The following CACNA2D3 variants were observed in gnomAD, a reference collection of about 807,000 sequenced individuals.
The protein encoded by CACNA2D3 is voltage-dependent calcium channel subunit alpha-2/delta-3.
In CACNA2D3, 60 loss-of-function variants were observed where a neutral mutation model predicts 160.6. The observed-to-expected ratio is 0.37, with a 90% CI of 0.30 to 0.46. The LOEUF (loss-of-function observed/expected upper bound fraction) is 0.46, where lower values mean the gene tolerates loss of function less well. Among genes scored for constraint, CACNA2D3 ranks in the 20% least tolerant of loss-of-function variants. The pLI, the probability that CACNA2D3 is intolerant of heterozygous loss-of-function variation, is 1.00. For missense variants in CACNA2D3, 1,205 were observed against 1,365.0 expected, an observed-to-expected ratio of 0.88 and a Z score of 1.85; for synonymous variants, 558 against 492.9, an observed-to-expected ratio of 1.13 and a Z score of -1.75.
At position 54,581,785 on chromosome 3, in the gene CACNA2D3, G is replaced by C; in HGVS notation, c.889-18G>C. ...ATTCCTTAATTAAGTGTTCCTTCTT[G>C]ACTTTTTTCCTTTGCAGTATAATGA... On this transcript the variant is annotated intron_variant, in intron 8 of 37. Coordinates refer to ENST00000474759, the MANE Select transcript of CACNA2D3 (RefSeq NM_018398.3). The C allele has an allele frequency of 6.2e-7, 1 of 1,606,440 alleles. No homozygotes were observed. The highest frequency in any genetic ancestry group is 8.5e-7 in the Non-Finnish European group (1 of 1,174,140).
chr3:54,318,404 A>G (rs1401078444), intron 2 of CACNA2D3, among the ~76,000 whole-genome samples: 1 of 152,202 alleles, frequency 6.6e-6, no homozygotes, highest in Non-Finnish European at 1.5e-5. Flanking sequence ...ACATGAAACT[A>G]CAACTCATGA....
At chr3:54,384,906 G>A (rs1376861539) in intron 3 of CACNA2D3, among the ~76,000 whole-genome samples, 1 of 152,016 alleles carries the variant, frequency 6.6e-6, no homozygotes, top group African/African-American at 2.4e-5. Context: ...TTTTTGTTGA[G>A]ATGGGGTTTT....
At position 54,838,551 on chromosome 3, in the gene CACNA2D3, A is replaced by ATT. The variant is rs1360241154; in HGVS notation, c.1471-16_1471-15insTT. On this transcript the variant is annotated splice_polypyrimidine_tract_variant and intron_variant, in intron 15 of 37. Coordinates refer to ENST00000474759, the MANE Select transcript of CACNA2D3 (RefSeq NM_018398.3). ...GTTAACTTACTGTTATTATAATTCA[A>ATT]TGTTTATTTTCGACAGAGATCGAAG... The ATT allele has an allele frequency of 6.3e-7, 1 of 1,592,848 alleles. No individual in the cohort carries two copies. The highest frequency in any genetic ancestry group is 8.6e-7 in the Non-Finnish European group (1 of 1,160,774).
intron 2 of CACNA2D3, among the ~76,000 whole-genome samples, chr3:54,203,538 C>T (rs1408596693): frequency 6.6e-6 from 1 of 152,212 alleles, no homozygotes; most frequent in African/African-American, 2.4e-5. Flanking sequence ...CTGGAAGAAT[C>T]TGATCACACA....
chr3:54,615,458 C>G (rs947628790), intron 9 of CACNA2D3, among the ~76,000 whole-genome samples: 5 of 152,168 alleles, frequency 3.3e-5, no homozygotes, highest in African/African-American at 9.6e-5. Flanking sequence ...GAATGCTCTT[C>G]ATGACCAACA....
chr3:54,599,638 A>G (rs1703026708), intron 9 of CACNA2D3, among the ~76,000 whole-genome samples: 1 of 152,196 alleles, frequency 6.6e-6, no homozygotes, highest in South Asian at 2.1e-4. Context: ...CTGGTAGGCA[A>G]AACGGTGGTC....
chr3:54,691,059 G>A (rs1700561510), intron 11 of CACNA2D3, among the ~76,000 whole-genome samples: 1 of 152,150 alleles, frequency 6.6e-6, no homozygotes, highest in Admixed American at 6.6e-5. Flanking sequence ...TGTGTTTGAA[G>A]ATGCCTTTAG....
intron 11 of CACNA2D3, among the ~76,000 whole-genome samples, chr3:54,716,098 A>G (rs1048063639): frequency 6.6e-6 from 1 of 152,210 alleles, no homozygotes; most frequent in African/African-American, 2.4e-5. Flanking sequence ...TCAATTATAT[A>G]TTTTAAAATA....
intron 17 of CACNA2D3, among the ~76,000 whole-genome samples, chr3:54,848,840 A>G (rs566028395): frequency 5.9e-5 from 9 of 152,340 alleles, no homozygotes; most frequent in African/African-American, 1.9e-4. Flanking sequence ...ACCATAGTGC[A>G]TAGATCGTAG....
intron 27 of CACNA2D3, chr3:54,918,421 T>C: frequency 1.3e-6 from 2 of 1,567,192 alleles, no homozygotes; most frequent in Non-Finnish European, 1.7e-6. Flanking sequence ...CACTATCTTC[T>C]GGCCTGCAAT....
chr3:54,918,163 G>C (rs1459299994), intron 27 of CACNA2D3: 4 of 287,682 alleles, frequency 1.4e-5, no homozygotes, highest in Non-Finnish European at 2.6e-5. Flanking sequence ...ACCTGGAAGA[G>C]ATGGCATCTT....
intron 27 of CACNA2D3, chr3:54,918,198 C>G (rs896479714): frequency 2.5e-6 from 1 of 399,148 alleles, no homozygotes; most frequent in African/African-American, 2.1e-5. Context: ...GTGTCTTACC[C>G]CCACATAGAA....
intron 2 of CACNA2D3, among the ~76,000 whole-genome samples, chr3:54,137,462 A>G (rs1471536819): frequency 1.3e-5 from 2 of 152,198 alleles, no homozygotes; most frequent in Non-Finnish European, 2.9e-5. Context: ...TCAGTTTGAA[A>G]GACGCCATCT....
Position 54,916,359 on chromosome 3 carries a change from G to A in CACNA2D3, c.2449+16491G>A, listed in dbSNP as rs540799565. Among the ~76,000 whole-genome samples, 13 of 152,238 alleles carry A rather than the reference G, an allele frequency of 8.5e-5. No individual in the cohort carries two copies. In the East Asian group the frequency reaches 1.7e-3, roughly 20 times the overall value. On this transcript the variant is annotated intron_variant, in intron 27 of 37. Transcript: ENST00000474759. ...TTTTCACTTGGAAAGTAGTCACTAC[G>A]TCCATAAAGAAGGATATTGAGCCAT...
At chr3:54,403,054 G>A (rs977504401) in intron 4 of CACNA2D3, among the ~76,000 whole-genome samples, 3 of 152,070 alleles carry the variant, frequency 2.0e-5, no homozygotes, top group Non-Finnish European at 4.4e-5. Flanking sequence ...AAGAAATCAA[G>A]AGGAAAATAT....
chr3:54,413,723 T>C (rs925646808), intron 4 of CACNA2D3, among the ~76,000 whole-genome samples: 5 of 151,550 alleles, frequency 3.3e-5, no homozygotes, highest in Admixed American at 2.6e-4. Context: ...TATTGTATTT[T>C]TAGTTCCTGG....
At chr3:54,577,185 T>G (rs1702599078) in intron 8 of CACNA2D3, among the ~76,000 whole-genome samples, 1 of 152,218 alleles carries the variant, frequency 6.6e-6, no homozygotes, top group South Asian at 2.1e-4. Context: ...TTAGCCAGTG[T>G]TTTATGTCCC....
chr3:54,225,978 G>A (rs1375725331), intron 2 of CACNA2D3, among the ~76,000 whole-genome samples: 1 of 152,120 alleles, frequency 6.6e-6, no homozygotes, highest in African/African-American at 2.4e-5. Flanking sequence ...ACTGACAGGA[G>A]CCTGGGTGTC....
chr3:54,823,412 T>C (rs1006219549), intron 14 of CACNA2D3, among the ~76,000 whole-genome samples: 1 of 152,330 alleles, frequency 6.6e-6, no homozygotes, highest in Non-Finnish European at 1.5e-5. Flanking sequence ...TTTACACTTT[T>C]ATGCATGAAA....
Sources: allele counts gnomAD v4.1 joint callset (sites outside exome capture counted in the v4.1 genomes callset), GRCh38; gene constraint gnomAD v4.1.1; transcripts MANE v1.5; gene names NCBI Gene and HGNC (gene_info 2026-07-23, HGNC 2026-07-21).